The following CNTNAP2 variants were observed in gnomAD, a reference collection of about 807,000 sequenced individuals.
CNTNAP2 encodes the protein contactin associated protein 2, also known as contactin-associated protein-like 2.
CNTNAP2 carries 98 observed loss-of-function variants against 155.2 expected under a neutral mutation model. The ratio of observed to expected loss-of-function variants is 0.63; its 90% confidence interval spans 0.54 to 0.75. CNTNAP2 has a LOEUF of 0.75. Among genes scored for constraint, CNTNAP2 ranks in the 30% least tolerant of loss-of-function variants. The pLI is 0.00. For synonymous variants in CNTNAP2, 651 were observed against 631.2 expected (o/e 1.03, Z -0.47); for missense variants, 1,727 against 1,688.1 (o/e 1.02, Z -0.40).
chr7:147,394,171 C>T (rs1406297856), intron 9 of CNTNAP2, among the ~76,000 whole-genome samples: 1 of 151,750 alleles, frequency 6.6e-6, no homozygotes, highest in African/African-American at 2.4e-5. Context: ...GTCTTTTTCC[C>T]CACTTTGCCT....
Position 146,738,939 on chromosome 7 carries a change from A to G in CNTNAP2, c.98-35332A>G, listed in dbSNP as rs557256018. On this transcript the variant is annotated intron_variant, in intron 1 of 23. Transcript: ENST00000361727. ...CCAATTTTTTGGTGTATAATTTTTC[A>G]TAATAGTCTTTGATGATCCTTTGTA... Among the ~76,000 whole-genome samples, 6 of 151,450 alleles carry G rather than the reference A, an allele frequency of 4.0e-5. No individual in the cohort carries two copies. In the South Asian group the frequency reaches 1.0e-3, roughly 26 times the overall value.
At chr7:146,235,925 A>T (rs1445187294) in intron 1 of CNTNAP2, among the ~76,000 whole-genome samples, 1 of 151,570 alleles carries the variant, frequency 6.6e-6, no homozygotes, top group Non-Finnish European at 1.5e-5. Context: ...ACCCATCAAT[A>T]TTCTCTGATC....
intron 11 of CNTNAP2, among the ~76,000 whole-genome samples, chr7:147,550,432 G>GATAT (rs761728666): frequency 1.1e-4 from 16 of 152,200 alleles, no homozygotes; most frequent in Admixed American, 4.6e-4. Flanking sequence ...CACCATGTAA[G>GATAT]ATATGCCTTT....
intron 14 of CNTNAP2, among the ~76,000 whole-genome samples, chr7:147,921,497 T>G (rs552548351): frequency 6.6e-6 from 1 of 152,352 alleles, no homozygotes; most frequent in East Asian, 1.9e-4. Context: ...AATAGTCAAT[T>G]GTAAAATAGA....
chr7:147,071,618 C>T (rs1584818502), intron 4 of CNTNAP2, among the ~76,000 whole-genome samples: 1 of 152,146 alleles, frequency 6.6e-6, no homozygotes. Context: ...AACAGATATT[C>T]CCTGGCCACA....
chr7:146,523,783 T>A (rs1462087070), intron 1 of CNTNAP2, among the ~76,000 whole-genome samples: 1 of 152,156 alleles, frequency 6.6e-6, no homozygotes, highest in Non-Finnish European at 1.5e-5. Flanking sequence ...TTCCGATAAT[T>A]TTCAATTAAA....
At chr7:147,512,399 T>G (rs1215280021) in intron 11 of CNTNAP2, among the ~76,000 whole-genome samples, 1 of 152,198 alleles carries the variant, frequency 6.6e-6, no homozygotes, top group Non-Finnish European at 1.5e-5. Flanking sequence ...ATATAAAGAC[T>G]AATTGTCCAT....
intron 1 of CNTNAP2, among the ~76,000 whole-genome samples, chr7:146,258,508 A>G (rs1314807791): frequency 6.6e-6 from 1 of 152,226 alleles, no homozygotes; most frequent in Non-Finnish European, 1.5e-5. Context: ...AAAACAAAAC[A>G]AGTGAAATAG....
chr7:147,447,541 C>T (rs894770283), intron 10 of CNTNAP2, among the ~76,000 whole-genome samples: 3 of 152,060 alleles, frequency 2.0e-5, no homozygotes, highest in Non-Finnish European at 4.4e-5. Context: ...TCAGCCTCCC[C>T]AAGTAGCTAG....
chr7:146,491,898 C>T (rs559936737), intron 1 of CNTNAP2, among the ~76,000 whole-genome samples: 1 of 151,972 alleles, frequency 6.6e-6, no homozygotes, highest in Non-Finnish European at 1.5e-5. Flanking sequence ...CTATATAAGC[C>T]TGCAGAAAGT....
rs772418889 is a variant in CNTNAP2, at chr7:146,331,311, AAAAAAAT to A, written c.97+214344_97+214350del. The stretch of plus-strand genomic sequence containing the variant: ...AGAGCGAGACTCCGTCTCAAAAAAA[AAAAAAAT>A]AAAAATAACCAACTATCATATAAAT... On this transcript the variant is annotated intron_variant, in intron 1 of 23. Coordinates refer to ENST00000361727, the MANE Select transcript of CNTNAP2 (RefSeq NM_014141.6). Among the ~76,000 whole-genome samples the A allele has an allele frequency of 4.5e-3, 680 of 150,240 alleles. 4 individuals carry two copies. Among genetic ancestry groups the A allele is most frequent in the Non-Finnish European group, 7.8e-3 (532 of 67,938 alleles).
At chr7:146,456,241 G>A (rs1217740037) in intron 1 of CNTNAP2, among the ~76,000 whole-genome samples, 1 of 152,078 alleles carries the variant, frequency 6.6e-6, no homozygotes, top group Non-Finnish European at 1.5e-5. Context: ...GATACTTTAG[G>A]TATGTATGTA....
chr7:146,149,506 G>GT (rs1798005194), intron 1 of CNTNAP2, among the ~76,000 whole-genome samples: 1 of 152,000 alleles, frequency 6.6e-6, no homozygotes, highest in Admixed American at 6.6e-5. Flanking sequence ...GCAGCACAGT[G>GT]TTAGGCTTAC....
intron 21 of CNTNAP2, among the ~76,000 whole-genome samples, chr7:148,371,219 G>C (rs551586115): frequency 6.6e-6 from 1 of 152,096 alleles, no homozygotes; most frequent in African/African-American, 2.4e-5. Context: ...AAAAAATCCA[G>C]TTTTCTTCTA....
intron 2 of CNTNAP2, among the ~76,000 whole-genome samples, chr7:146,785,445 G>T (rs1802559570): frequency 6.6e-6 from 1 of 152,088 alleles, no homozygotes; most frequent in African/African-American, 2.4e-5. Flanking sequence ...GACTCTCAGA[G>T]AATATTTTCT....
chr7:147,764,365 A>G (rs768831279), intron 13 of CNTNAP2, among the ~76,000 whole-genome samples: 5 of 152,126 alleles, frequency 3.3e-5, no homozygotes, highest in Admixed American at 1.3e-4. Context: ...CCAAATACCT[A>G]ATTTTCAGCT....
At chr7:147,230,998 A>G (rs1459369157) in intron 8 of CNTNAP2, among the ~76,000 whole-genome samples, 1 of 152,224 alleles carries the variant, frequency 6.6e-6, no homozygotes, top group East Asian at 1.9e-4. Context: ...ACTTACAATC[A>G]TGGTAGAAGG....
intron 1 of CNTNAP2, among the ~76,000 whole-genome samples, chr7:146,235,098 T>C (rs1799449760): frequency 6.6e-6 from 1 of 152,142 alleles, no homozygotes; most frequent in South Asian, 2.1e-4. Flanking sequence ...GTTATTTTAC[T>C]GAGACACAAT....
At chr7:146,408,225 A>G (rs567985309) in intron 1 of CNTNAP2, among the ~76,000 whole-genome samples, 1 of 152,280 alleles carries the variant, frequency 6.6e-6, no homozygotes, top group Non-Finnish European at 1.5e-5. Context: ...ATTAACCATT[A>G]AAAATAAGCA....
Sources: allele counts gnomAD v4.1 joint callset (sites outside exome capture counted in the v4.1 genomes callset), GRCh38; gene constraint gnomAD v4.1.1; transcripts MANE v1.5; gene names NCBI Gene and HGNC (gene_info 2026-07-23, HGNC 2026-07-21).